Variants in MAP4K3 observed in about 807,000 individuals in gnomAD.
MAP4K3 encodes the protein mitogen-activated protein kinase kinase kinase kinase 3.
Under a neutral mutation model 143.5 loss-of-function variants are expected in MAP4K3, and 94 were observed. The ratio of observed to expected loss-of-function variants is 0.65; its 90% confidence interval spans 0.55 to 0.78. The LOEUF (loss-of-function observed/expected upper bound fraction) is 0.78, where lower values mean the gene tolerates loss of function less well. MAP4K3 is among the 30% of genes least tolerant of loss of function. MAP4K3 has a pLI of 0.00. For synonymous variants in MAP4K3, 416 were observed against 347.2 expected (o/e 1.20, Z -2.20); for missense variants, 1,077 against 1,068.1 (o/e 1.01, Z -0.12).
chr2:39,311,835 G>A (rs1682947296), intron 13 of MAP4K3, among the ~76,000 whole-genome samples: 2 of 152,154 alleles, frequency 1.3e-5, no homozygotes, highest in Admixed American at 1.3e-4. Context: ...AAATCTGTTA[G>A]AGACAATAAA....
intron 1 of MAP4K3, among the ~76,000 whole-genome samples, chr2:39,429,610 G>A (rs544243181): frequency 7.9e-5 from 12 of 152,286 alleles, no homozygotes; most frequent in Admixed American, 3.3e-4. Flanking sequence ...TTGGGTACAT[G>A]AGACCTCTTT....
chr2:39,275,798 G>C (rs1168452498), intron 24 of MAP4K3, among the ~76,000 whole-genome samples: 2 of 152,038 alleles, frequency 1.3e-5, no homozygotes, highest in East Asian at 3.9e-4. Flanking sequence ...AAAAAATGAA[G>C]ATGAAACTGT....
At chr2:39,373,616 T>G (rs945382024) in intron 2 of MAP4K3, among the ~76,000 whole-genome samples, 1 of 152,206 alleles carries the variant, frequency 6.6e-6, no homozygotes, top group Non-Finnish European at 1.5e-5. Context: ...TTAAAAGGAA[T>G]GAGATCCTGC....
rs75906119 is a variant in MAP4K3, at chr2:39,340,381, G to T, written c.311-2800C>A. 1.1e-4 allele frequency among the ~76,000 whole-genome samples: 17 copies of T among 152,190 alleles called. No homozygotes were observed. In the East Asian group the frequency reaches 2.3e-3, roughly 21 times the overall value. On this transcript the variant is annotated intron_variant, in intron 4 of 33. Coordinates refer to ENST00000263881, the MANE Select transcript of MAP4K3 (RefSeq NM_003618.4). The stretch of plus-strand genomic sequence containing the variant: ...GAACACAGAGAAAGATAGGATTTGG[G>T]GTTCTGCATAAGCATATGAATCCCC...
chr2:39,267,844 A>G (rs1002287267), intron 26 of MAP4K3, among the ~76,000 whole-genome samples: 4 of 152,170 alleles, frequency 2.6e-5, no homozygotes, highest in Non-Finnish European at 4.4e-5. Flanking sequence ...ATACAGGAAA[A>G]TGCTGTTACA....
chr2:39,352,299 T>A (rs1339283625), intron 3 of MAP4K3, among the ~76,000 whole-genome samples: 1 of 152,064 alleles, frequency 6.6e-6, no homozygotes, highest in African/African-American at 2.4e-5. Context: ...TCAAAAAAAA[T>A]AAATAAATGA....
chr2:39,337,185 T>C (rs773914269), intron 5 of MAP4K3, among the ~76,000 whole-genome samples: 41 of 152,118 alleles, frequency 2.7e-4, no homozygotes, highest in Non-Finnish European at 5.1e-4. Context: ...ACAAATAGTT[T>C]GAAATAACTT....
In MAP4K3 at chr2:39,343,437, C is replaced by A; in HGVS notation, c.261G>T (p.Trp87Cys). The A allele has an allele frequency of 1.9e-6, 3 of 1,613,072 alleles. No homozygotes were observed. The highest frequency in any genetic ancestry group is 2.5e-6 in the Non-Finnish European group (3 of 1,179,436). The stretch of plus-strand genomic sequence containing the variant: ...CACCTCCACAAAACTCCATGCAAAT[C>A]CAAAGCTTATCTCGCCTATAAAGAG... ...FGSYLRRDKL[W>C]ICMEFCGGGS... is the part of the protein sequence containing the mutation. The change falls in exon 4 of 34, where the codon TGG becomes TGT. Residue 87 changes from tryptophan to cysteine, a missense_variant. Trp to Cys is a radical substitution (Grantham distance 215). This residue lies in a region of MAP4K3 where 213 missense variants were observed against 266.8 expected (regional missense o/e 0.80). Coordinates refer to ENST00000263881, the MANE Select transcript of MAP4K3 (RefSeq NM_003618.4).
Position 39,432,538 on chromosome 2 carries a change from A to G in MAP4K3, c.96+4354T>C, listed in dbSNP as rs988326851. On this transcript the variant is annotated intron_variant, in intron 1 of 33. Coordinates refer to ENST00000263881, the MANE Select transcript of MAP4K3 (RefSeq NM_003618.4). ...GTAAATAGAAGTGAGCATAACTCCA[A>G]ATAACAATGTTTGAGCTTCCTTCAA... Among the ~76,000 whole-genome samples, 4 of 152,338 alleles carry G rather than the reference A, an allele frequency of 2.6e-5. No individual in the cohort carries two copies. The East Asian group carries it at 7.7e-4, about 29-fold the overall frequency.
intron 1 of MAP4K3, among the ~76,000 whole-genome samples, chr2:39,392,721 T>G (rs945786962): frequency 6.6e-6 from 1 of 152,188 alleles, no homozygotes; most frequent in Non-Finnish European, 1.5e-5. Context: ...AATGAATTAA[T>G]GTCATTTCTG....
At position 39,265,290 on chromosome 2, in the gene MAP4K3, C is replaced by A; in HGVS notation, c.2049G>T (p.Thr683=). ...QKCCVVRNPY[T]GHKYLCGALQ... ...GTGCTCCACATAGGTATTTATGGCC[C>A]GTGTAAGGATTTCTTACTGTCAAAG... is the stretch of plus-strand genomic sequence containing the variant. Residue 683 remains threonine (T), a synonymous_variant, in exon 28 of 34, where the codon ACG becomes ACT. Transcript: ENST00000263881. 1 of 1,611,018 alleles carries A rather than the reference C, an allele frequency of 6.2e-7. No individual in the cohort carries two copies. The highest frequency in any genetic ancestry group is 1.1e-5 in the South Asian group (1 of 90,920).
At chr2:39,340,658 A>G (rs977043178) in intron 4 of MAP4K3, among the ~76,000 whole-genome samples, 1 of 152,180 alleles carries the variant, frequency 6.6e-6, no homozygotes, top group East Asian at 1.9e-4. Context: ...TGAAATCACT[A>G]AACAATCTGA....
In MAP4K3 at chr2:39,396,848, T is replaced by TCA. The variant is rs368751608; in HGVS notation, c.97-18727_97-18726dup. The stretch of plus-strand genomic sequence containing the variant: ...ACTAGCCCAGAAACAGCATCTCTCT[T>TCA]CACCTCTTATAAGAGACCAAAGAGT... On this transcript the variant is annotated intron_variant, in intron 1 of 33. Coordinates refer to ENST00000263881, the MANE Select transcript of MAP4K3 (RefSeq NM_003618.4). Among the ~76,000 whole-genome samples the TCA allele has an allele frequency of 3.8e-3, 584 of 152,298 alleles. 6 individuals carry two copies. Among genetic ancestry groups the TCA allele is most frequent in the African/African-American group, 0.013 (555 of 41,558 alleles).
In MAP4K3 at chr2:39,400,629, ATTTTATT is replaced by A. The variant is rs1329639619; in HGVS notation, c.97-22513_97-22507del. ...AATTCCTTGGTGTTCATATCTAATC[ATTTTATT>A]TTTTATTTTTTAATAAGTGAATTTA... is the stretch of plus-strand genomic sequence containing the variant. On this transcript the variant is annotated intron_variant, in intron 1 of 33. Transcript: ENST00000263881. Among the ~76,000 whole-genome samples the A allele has an allele frequency of 2.0e-5, 3 of 151,500 alleles. No homozygotes were observed. The East Asian group carries it at 5.8e-4, about 29-fold the overall frequency.
Position 39,290,321 on chromosome 2 carries a change from C to T in MAP4K3, c.1285G>A (p.Ala429Thr). The T allele has an allele frequency of 6.2e-7, 1 of 1,606,702 alleles. No homozygotes were observed. The highest frequency in any genetic ancestry group is 8.5e-7 in the Non-Finnish European group (1 of 1,176,760). The change falls in exon 19 of 34, where the codon GCA (alanine) becomes ACA (threonine). Residue 429 changes from alanine (A) to threonine (T), a missense_variant. Around this residue, in one of 2 missense-constraint regions of MAP4K3, gnomAD observed 864 missense variants for 801.2 expected, o/e 1.08. Transcript: ENST00000263881. Reference protein sequence around the residue: ...DDESKHSTLKAKIPPPLPPKP... With the variant: ...DDESKHSTLKTKIPPPLPPKP... Reference sequence around the variant, plus strand: ...GGTGGCAAAGGAGGTGGAATTTTTGCTTTCAGAGTTGAGCTAAAAACAGAA... The same window carrying T: ...GGTGGCAAAGGAGGTGGAATTTTTGTTTTCAGAGTTGAGCTAAAAACAGAA...
chr2:39,303,468 T>C (rs1440887415), intron 15 of MAP4K3, among the ~76,000 whole-genome samples: 2 of 152,182 alleles, frequency 1.3e-5, no homozygotes, highest in Non-Finnish European at 2.9e-5. Context: ...GCATACTATA[T>C]ACTTCTTCAG....
At chr2:39,253,322 C>T (rs903321463) in intron 32 of MAP4K3, among the ~76,000 whole-genome samples, 18 of 152,148 alleles carry the variant, frequency 1.2e-4, no homozygotes, top group Non-Finnish European at 2.2e-4. Flanking sequence ...TTAGTACAGA[C>T]GAGGTTTCAC....
At chr2:39,373,812 G>C (rs914412198) in intron 2 of MAP4K3, among the ~76,000 whole-genome samples, 1 of 152,098 alleles carries the variant, frequency 6.6e-6, no homozygotes, top group African/African-American at 2.4e-5. Flanking sequence ...GCTTGGTGGG[G>C]GGGTAGAAGG....
chr2:39,329,748 T>G (rs1683621567), intron 8 of MAP4K3, among the ~76,000 whole-genome samples: 1 of 152,220 alleles, frequency 6.6e-6, no homozygotes, highest in African/African-American at 2.4e-5. Context: ...AGGACATGAT[T>G]AAGTAGAAGT....
Sources: allele counts gnomAD v4.1 joint callset (sites outside exome capture counted in the v4.1 genomes callset), GRCh38; gene constraint gnomAD v4.1.1; regional missense constraint gnomAD v4.1.1; transcripts MANE v1.5; gene names NCBI Gene and HGNC (gene_info 2026-07-23, HGNC 2026-07-21).